LMO3: variants seen among roughly 807,000 people sequenced by gnomAD.
LMO3 encodes LIM domain only protein 3.
In LMO3, 2 loss-of-function variants were observed where a neutral mutation model predicts 15.8. The observed-to-expected ratio is 0.13, with a 90% CI of 0.05 to 0.40. The LOEUF (loss-of-function observed/expected upper bound fraction) is 0.40, where lower values mean the gene tolerates loss of function less well. Among genes scored for constraint, LMO3 ranks in the 10% least tolerant of loss-of-function variants. LMO3 has a pLI of 0.99. For missense variants in LMO3, 86 were observed against 182.2 expected (o/e 0.47, Z 3.04); for synonymous variants, 62 against 63.8 (o/e 0.97, Z 0.13).
At position 16,550,289 on chromosome 12, in the gene LMO3, G is replaced by GAAGT. The variant is rs1941941445; in HGVS notation, c.*929_*932dup. 6.6e-6 allele frequency: 1 copy of GAAGT among 152,366 alleles called. No homozygotes were observed. The highest frequency in any genetic ancestry group is 2.1e-4 in the South Asian group (1 of 4,820). 9.4% of individuals were successfully genotyped at this position (152,366 alleles called of 1,614,324 possible). On this transcript the variant is annotated 3_prime_UTR_variant, in exon 4 of 4. Coordinates refer to ENST00000537304, the MANE Select transcript of LMO3 (RefSeq NM_018640.5). ...GATCTGGGCAGAATTTATACAAGAAGAAGTTTAATTTATCACTTAAAAATC... is the reference window on the plus strand; with the variant it reads ...GATCTGGGCAGAATTTATACAAGAAGAAGTAAGTTTAATTTATCACTTAAAAATC...
chr12:16,585,936 C>A lies in LMO3; in HGVS notation c.206+14719G>T, dbSNP rs12366554. ...AATCTTGCTTATCCTAAGATCTGGGCGACATTTCACCAGTGAGGCGGTAGG... is the reference window on the plus strand; with the variant it reads ...AATCTTGCTTATCCTAAGATCTGGGAGACATTTCACCAGTGAGGCGGTAGG... On this transcript the variant is annotated intron_variant, in intron 2 of 3. Transcript: ENST00000537304. The surrounding 1 kb of genome is among the most constrained non-coding windows in gnomAD (Gnocchi z 4.7). 6.6e-6 allele frequency among the ~76,000 whole-genome samples: 1 copy of A among 152,048 alleles called. No homozygotes were observed. Among genetic ancestry groups the A allele is most frequent in the Non-Finnish European group, 1.5e-5 (1 of 68,008 alleles).
chr12:16,579,486 C>T (rs1649092184), intron 2 of LMO3, among the ~76,000 whole-genome samples: 1 of 152,112 alleles, frequency 6.6e-6, no homozygotes, highest in Admixed American at 6.5e-5. Context: ...GCTTAAAAGC[C>T]AACGCAGATG....
chr12:16,583,148 G>A (rs879538168), intron 2 of LMO3, among the ~76,000 whole-genome samples: 18 of 151,858 alleles, frequency 1.2e-4, no homozygotes, highest in Admixed American at 1.0e-3. Flanking sequence ...AAAGAGAAGA[G>A]AGACTGTAAG....
intron 2 of LMO3, among the ~76,000 whole-genome samples, chr12:16,595,319 A>G (rs1247336271): frequency 6.6e-6 from 1 of 151,556 alleles, no homozygotes; most frequent in Non-Finnish European, 1.5e-5. Flanking sequence ...TTTACTGAAA[A>G]TGAATGCATT....
In LMO3 at chr12:16,596,413, C is replaced by A. The variant is rs113700034; in HGVS notation, c.206+4242G>T. On this transcript the variant is annotated intron_variant, in intron 2 of 3. Coordinates refer to ENST00000537304, the MANE Select transcript of LMO3 (RefSeq NM_018640.5). This position sits in a 1 kb window ranked among gnomAD's most constrained non-coding sequence, Gnocchi z 4.3. ...CTATAAGCAGCTTCCATGGCACATA[C>A]CACAGCAAACAGCTTTGAATAAACT... Among the ~76,000 whole-genome samples the A allele has an allele frequency of 5.1e-4, 77 of 151,648 alleles. No individual in the cohort carries two copies. The highest frequency in any genetic ancestry group is 1.8e-3 in the African/African-American group (74 of 41,498).
upstream of LMO3, chr12:16,608,628 T>C (rs1565521356): frequency 6.6e-6 from 1 of 152,128 alleles, no homozygotes; most frequent in African/African-American, 2.4e-5. The surrounding 1 kb of genome is among the most constrained non-coding windows in gnomAD (Gnocchi z 4.1). Context: ...TCTTCCTTTT[T>C]CCCCAATCTT....
At chr12:16,594,267 CAA>C in intron 2 of LMO3, 1 of 1,523,472 alleles carries the variant, frequency 6.6e-7, no homozygotes, top group Non-Finnish European at 8.8e-7. Context: ...AAATGCTTAA[CAA>C]GAGGAAGTGC....
intron 2 of LMO3, among the ~76,000 whole-genome samples, chr12:16,561,577 T>C (rs2137343041): frequency 6.6e-6 from 1 of 152,354 alleles, no homozygotes; most frequent in East Asian, 1.9e-4. Flanking sequence ...TATAAAAATG[T>C]ACTTTTAAAA....
chr12:16,605,008 A>C (rs1591838182), intron 1 of LMO3: 1 of 1,576,560 alleles, frequency 6.3e-7, no homozygotes, highest in Non-Finnish European at 8.6e-7. Flanking sequence ...CGCAGCCTAC[A>C]CCGCCGAGGA....
chr12:16,605,087 C>A, intron 1 of LMO3: 2 of 1,451,266 alleles, frequency 1.4e-6, no homozygotes, highest in Middle Eastern at 2.4e-4. Flanking sequence ...GGGATGAGGA[C>A]GGCCAGACAA....
intron 2 of LMO3, among the ~76,000 whole-genome samples, chr12:16,580,451 T>C (rs188124371): frequency 1.3e-5 from 2 of 152,336 alleles, no homozygotes; most frequent in Admixed American, 1.3e-4. Flanking sequence ...TGTTCAAGAT[T>C]AAGAGAAACT....
At chr12:16,567,558 A>C (rs1591788498) in intron 2 of LMO3, 1 of 152,116 alleles carries the variant, frequency 6.6e-6, no homozygotes, top group Non-Finnish European at 1.5e-5. Flanking sequence ...AGCTGAAAGA[A>C]GGTCATCGTG....
chr12:16,560,600 G>A lies in LMO3; in HGVS notation c.207-62C>T, dbSNP rs1942367169. 3 of 1,449,904 alleles carry A rather than the reference G, an allele frequency of 2.1e-6. No individual in the cohort carries two copies. The highest frequency in any genetic ancestry group is 2.8e-5 in the African/African-American group (2 of 71,088). The allele number at this position is 1,449,904 out of a possible 1,614,324, so 89.8% of individuals were successfully genotyped here. On this transcript the variant is annotated intron_variant, in intron 2 of 3. Transcript: ENST00000537304. This position sits in a 1 kb window ranked among gnomAD's most constrained non-coding sequence, Gnocchi z 5.0. Reference sequence around the variant, plus strand: ...TTACAGAGAAATCTGAGATCGTGAAGAGAGATGATGTTAATATACTCTGTA... The same window carrying A: ...TTACAGAGAAATCTGAGATCGTGAAAAGAGATGATGTTAATATACTCTGTA...
At position 16,560,316 on chromosome 12, in the gene LMO3, T is replaced by C. The variant is rs2137330577; in HGVS notation, c.332+97A>G. On this transcript the variant is annotated intron_variant, in intron 3 of 3. Transcript: ENST00000537304. This position sits in a 1 kb window ranked among gnomAD's most constrained non-coding sequence, Gnocchi z 5.0. The stretch of plus-strand genomic sequence containing the variant: ...CAGAACAGAAAAACGCTGAGATTGA[T>C]TGCTTTAAATGTATGAATATAATTT... The C allele has an allele frequency of 7.6e-7, 1 of 1,311,818 alleles. No individual in the cohort carries two copies. The highest frequency in any genetic ancestry group is 2.4e-5 in the East Asian group (1 of 41,436). The allele number at this position is 1,311,818 out of a possible 1,614,324, so 81.3% of individuals were successfully genotyped here.
At position 16,549,407 on chromosome 12, in the gene LMO3, C is replaced by A. The variant is rs540823154; in HGVS notation, c.*1815G>T. The A allele has an allele frequency of 2.9e-4, 45 of 152,606 alleles. 1 individual carries two copies. Among genetic ancestry groups the A allele is most frequent in the African/African-American group, 1.1e-3 (44 of 41,560 alleles). 9.5% of individuals were successfully genotyped at this position (152,606 alleles called of 1,614,324 possible). The stretch of plus-strand genomic sequence containing the variant: ...TACATATCATTCACTTTTCACAGAA[C>A]CATTTTCTTAAAAATAAGAGGCAAT... On this transcript the variant is annotated 3_prime_UTR_variant, in exon 4 of 4. Transcript: ENST00000537304.
chr12:16,552,660 A>C (rs774688117), intron 3 of LMO3, among the ~76,000 whole-genome samples: 1 of 152,190 alleles, frequency 6.6e-6, no homozygotes, highest in African/African-American at 2.4e-5. Context: ...TGTGGAATTT[A>C]CTTTTTTTCC....
upstream of LMO3, chr12:16,607,165 TCCTCC>T (rs981477376): frequency 1.3e-5 from 1 of 78,846 alleles, no homozygotes; most frequent in African/African-American, 6.6e-5. Context: ...ACACTCTCCT[TCCTCC>T]CTTCCTCCCT....
intron 2 of LMO3, among the ~76,000 whole-genome samples, chr12:16,578,903 A>G (rs988748001): frequency 2.6e-5 from 4 of 152,192 alleles, no homozygotes; most frequent in African/African-American, 7.2e-5. Flanking sequence ...GAAATAATTC[A>G]TGGTTCTATA....
intron 2 of LMO3, among the ~76,000 whole-genome samples, chr12:16,583,932 A>C (rs1943242110): frequency 6.6e-6 from 1 of 152,208 alleles, no homozygotes; most frequent in Non-Finnish European, 1.5e-5. Context: ...TCTGAAATCA[A>C]AGATCAGTGC....
Sources: gnomAD v4.1 joint callset for allele counts (sites outside exome capture counted in the v4.1 genomes callset) on GRCh38, gnomAD v4.1.1 for gene constraint, Gnocchi (gnomAD v3.1) non-coding constraint, MANE v1.5 for transcripts, NCBI Gene and HGNC (gene_info 2026-07-23, HGNC 2026-07-21) for gene names.